PRUNE2: variants seen among roughly 807,000 people sequenced by gnomAD.
PRUNE2 encodes the protein protein prune homolog 2.
PRUNE2 carries 164 observed loss-of-function variants against 252.0 expected under a neutral mutation model. The observed-to-expected ratio is 0.65, with a 90% CI of 0.57 to 0.74. PRUNE2 has a LOEUF of 0.74. Among genes scored for constraint, PRUNE2 ranks in the 30% least tolerant of loss-of-function variants. PRUNE2 has a pLI of 0.00. For missense variants in PRUNE2, 3,495 were observed against 3,711.0 expected (o/e 0.94, Z 1.51); for synonymous variants, 1,292 against 1,350.2 (o/e 0.96, Z 0.94).
In PRUNE2 at chr9:76,721,681, A is replaced by G. The variant is rs189888759; in HGVS notation, c.757-7960T>C. On this transcript the variant is annotated intron_variant, in intron 6 of 18. Transcript: ENST00000376718. ...TACAAACACAGTGTGACAATTCCTAACTACCTTGCAAGCACAGTGGCCAGC... is the reference window on the plus strand; with the variant it reads ...TACAAACACAGTGTGACAATTCCTAGCTACCTTGCAAGCACAGTGGCCAGC... 2.4e-3 allele frequency among the ~76,000 whole-genome samples: 364 copies of G among 152,282 alleles called. 4 individuals carry two copies. Among genetic ancestry groups the G allele is most frequent in the African/African-American group, 8.4e-3 (349 of 41,544 alleles).
chr9:76,849,086 T>A (rs79912770), intron 3 of PRUNE2, among the ~76,000 whole-genome samples: 2,644 of 152,220 alleles, frequency 0.017, 80 homozygotes, highest in African/African-American at 0.059. Flanking sequence ...TTTCTTTGTA[T>A]TTTTTGTGGA....
rs1293021377 is a variant in PRUNE2, at chr9:76,711,186, T to C, written c.1088A>G (p.Asn363Ser). ...GGCTTCTGTTGAGGATGTCCGGCTATTGGAGACCATCTCTGGACACCTCCT... is the reference window on the plus strand; with the variant it reads ...GGCTTCTGTTGAGGATGTCCGGCTACTGGAGACCATCTCTGGACACCTCCT... ...INRRCPEMVS[N>S]SRTSSTEAVA... Residue 363 changes from asparagine (N) to serine (S), a missense_variant, in exon 8 of 19, where the codon AAT becomes AGT. Coordinates refer to ENST00000376718, the MANE Select transcript of PRUNE2 (RefSeq NM_015225.3). 3 of 1,613,988 alleles carry C rather than the reference T, an allele frequency of 1.9e-6. No homozygotes were observed. Among genetic ancestry groups the C allele is most frequent in the South Asian group, 1.1e-5 (1 of 91,070 alleles).
chr9:76,628,593 C>G (rs1467509086), intron 16 of PRUNE2, among the ~76,000 whole-genome samples: 1 of 152,172 alleles, frequency 6.6e-6, no homozygotes, highest in African/African-American at 2.4e-5. Flanking sequence ...CCAGTAGAGA[C>G]AGTATACCAA....
chr9:76,798,250 G>A (rs968435445), intron 6 of PRUNE2, among the ~76,000 whole-genome samples: 4 of 152,056 alleles, frequency 2.6e-5, no homozygotes, highest in African/African-American at 9.7e-5. Flanking sequence ...TTTTCATCTT[G>A]TAAAATGAAA....
At position 76,704,033 on chromosome 9, in the gene PRUNE2, A is replaced by C. The variant is rs750690481; in HGVS notation, c.7580T>G (p.Ile2527Arg). ...KTIPTKEPEQIKSEYKEERCT... is the reference protein window; with the variant it reads ...KTIPTKEPEQRKSEYKEERCT... ...TCTTTCTTCCTTGTATTCTGATTTTATCTGCTCAGGCTCTTTGGTAGGAAT... is the reference window on the plus strand; with the variant it reads ...TCTTTCTTCCTTGTATTCTGATTTTCTCTGCTCAGGCTCTTTGGTAGGAAT... The change falls in exon 9 of 19, where the codon ATA (isoleucine) becomes AGA (arginine). Residue 2527 changes from isoleucine to arginine, a missense_variant. Transcript: ENST00000376718. The C allele has an allele frequency of 6.2e-7, 1 of 1,613,304 alleles. No homozygotes were observed. Among genetic ancestry groups the C allele is most frequent in the Non-Finnish European group, 8.5e-7 (1 of 1,179,748 alleles).
chr9:76,856,141 C>T (rs2060237402), intron 1 of PRUNE2, among the ~76,000 whole-genome samples: 1 of 152,136 alleles, frequency 6.6e-6, no homozygotes, highest in African/African-American at 2.4e-5. Context: ...ATTAGCAGCA[C>T]TTTTTATAGG....
chr9:76,718,439 G>A (rs1329445364), intron 6 of PRUNE2, among the ~76,000 whole-genome samples: 1 of 97,102 alleles, frequency 1.0e-5, no homozygotes, highest in Non-Finnish European at 2.1e-5. Context: ...CAAGCACTCC[G>A]AGGTTGCCAA....
chr9:76,639,645 A>G (rs114425648), intron 12 of PRUNE2, among the ~76,000 whole-genome samples: 4,407 of 152,310 alleles, frequency 0.029, 232 homozygotes, highest in African/African-American at 0.1. Context: ...ACTTCCTCTC[A>G]TAAGAGGAGG....
intron 6 of PRUNE2, among the ~76,000 whole-genome samples, chr9:76,753,931 A>AAG (rs1163325629): frequency 4.4e-4 from 66 of 151,676 alleles, no homozygotes; most frequent in Non-Finnish European, 9.3e-4. Context: ...AAAAAAAAAA[A>AAG]AAAAGTTGCC....
intron 6 of PRUNE2, among the ~76,000 whole-genome samples, chr9:76,741,343 G>A (rs2049601344): frequency 6.6e-6 from 1 of 152,146 alleles, no homozygotes; most frequent in Non-Finnish European, 1.5e-5. Context: ...TGGAATAGAT[G>A]GCAACTAACA....
intron 1 of PRUNE2, among the ~76,000 whole-genome samples, chr9:76,861,702 TA>T (rs1476216283): frequency 6.6e-6 from 1 of 152,176 alleles, no homozygotes; most frequent in Non-Finnish European, 1.5e-5. Flanking sequence ...TGACCTCAAA[TA>T]TCATTTATAT....
At chr9:76,755,530 C>A (rs1044727239) in intron 6 of PRUNE2, among the ~76,000 whole-genome samples, 3 of 152,006 alleles carry the variant, frequency 2.0e-5, no homozygotes, top group African/African-American at 7.3e-5. Context: ...GGACAAAGAA[C>A]GCTGGGAGGA....
At chr9:76,823,874 ACACT>A (rs2058187445) in intron 5 of PRUNE2, 148 bp from the exon 6 acceptor site, 1 of 598,070 alleles carries the variant, frequency 1.7e-6, no homozygotes, top group African/African-American at 1.9e-5. Flanking sequence ...ACACACACAC[ACACT>A]AAGGCAATAA....
chr9:76,741,905 G>A (rs188585875), intron 6 of PRUNE2, among the ~76,000 whole-genome samples: 9 of 152,224 alleles, frequency 5.9e-5, no homozygotes, highest in Non-Finnish European at 8.8e-5. Flanking sequence ...CCAGATAGTC[G>A]TGGCTCACCC....
intron 9 of PRUNE2, among the ~76,000 whole-genome samples, chr9:76,693,721 C>T (rs1279635396): frequency 2.6e-5 from 4 of 152,076 alleles, no homozygotes; most frequent in African/African-American, 9.7e-5. Context: ...GGATTACAGG[C>T]GTGAGCCACT....
intron 4 of PRUNE2, among the ~76,000 whole-genome samples, chr9:76,829,013 T>C (rs1282148520): frequency 3.0e-5 from 2 of 65,740 alleles, no homozygotes; most frequent in East Asian, 3.8e-4. Context: ...TCTCACTCTG[T>C]CTCAAAAAAA....
chr9:76,774,450 C>CTTTTTTTATTTATTTATTTTTTTTTTTT (rs1564272256), intron 6 of PRUNE2, among the ~76,000 whole-genome samples: 1 of 41,402 alleles, frequency 2.4e-5, no homozygotes, highest in Non-Finnish European at 3.9e-5. Flanking sequence ...CAGTTCAACC[C>CTTTTTTTATTTATTTATTTTTTTTTTTT]TTTTTTTTTT....
At chr9:76,745,235 T>G (rs2049996131) in intron 6 of PRUNE2, among the ~76,000 whole-genome samples, 1 of 152,158 alleles carries the variant, frequency 6.6e-6, no homozygotes, top group African/African-American at 2.4e-5. Flanking sequence ...GTTTATAGTT[T>G]AAATAATAAC....
At chr9:76,792,395 C>T (rs983045163) in intron 6 of PRUNE2, among the ~76,000 whole-genome samples, 5 of 152,108 alleles carry the variant, frequency 3.3e-5, no homozygotes, top group Non-Finnish European at 5.9e-5. Context: ...TACCCAATCT[C>T]GGGTATGTCC....
Sources: gnomAD v4.1 joint callset for allele counts (sites outside exome capture counted in the v4.1 genomes callset) on GRCh38, gnomAD v4.1.1 for gene constraint, MANE v1.5 for transcripts, NCBI Gene and HGNC (gene_info 2026-07-23, HGNC 2026-07-21) for gene names.